The following GALNT17 variants were observed in gnomAD, a reference collection of about 807,000 sequenced individuals.
GALNT17 encodes the protein polypeptide N-acetylgalactosaminyltransferase 17.
In GALNT17, 29 loss-of-function variants were observed where a neutral mutation model predicts 63.7. The observed-to-expected ratio is 0.46, with a 90% CI of 0.34 to 0.62. The LOEUF (loss-of-function observed/expected upper bound fraction) is 0.62. GALNT17 is among the 20% of genes least tolerant of loss of function. GALNT17 has a pLI of 0.01. For synonymous variants in GALNT17, 305 were observed against 318.3 expected (o/e 0.96, Z 0.45); for missense variants, 603 against 799.6 (o/e 0.75, Z 2.97).
chr7:71,532,832 G>T (rs1316959890), intron 5 of GALNT17, among the ~76,000 whole-genome samples: 1 of 152,132 alleles, frequency 6.6e-6, no homozygotes, highest in Admixed American at 6.5e-5. Flanking sequence ...TGCTGCTCCT[G>T]TTTACAATTT....
At chr7:71,215,932 T>G (rs1023083885) in intron 1 of GALNT17, among the ~76,000 whole-genome samples, 1 of 152,128 alleles carries the variant, frequency 6.6e-6, no homozygotes, top group African/African-American at 2.4e-5. Context: ...TCAGGAGAGA[T>G]AAGCACTTCC....
chr7:71,684,838 GT>G (rs557013049), intron 9 of GALNT17, among the ~76,000 whole-genome samples: 160 of 152,030 alleles, frequency 1.1e-3, no homozygotes, highest in African/African-American at 3.7e-3. Context: ...TAATTTTTCA[GT>G]TTTTTTGTAA....
At chr7:71,471,774 T>A (rs1471057692) in intron 5 of GALNT17, among the ~76,000 whole-genome samples, 1 of 152,186 alleles carries the variant, frequency 6.6e-6, no homozygotes, top group East Asian at 1.9e-4. Context: ...TTTTTTCCCA[T>A]CAGAGATATT....
Position 71,305,766 on chromosome 7 carries a change from G to A in GALNT17, c.239-29784G>A, listed in dbSNP as rs77051369. 8.2e-3 allele frequency among the ~76,000 whole-genome samples: 1,255 copies of A among 152,232 alleles called. 15 individuals carry two copies. Among genetic ancestry groups the A allele is most frequent in the African/African-American group, 0.028 (1,169 of 41,530 alleles). ...ATATCTCAATGAACCTTTTGGATTC[G>A]AAGAGAGATAATTACTAACTCCACG... On this transcript the variant is annotated intron_variant, in intron 1 of 10. Transcript: ENST00000333538.
intron 2 of GALNT17, among the ~76,000 whole-genome samples, chr7:71,376,563 G>A (rs927417038): frequency 1.3e-5 from 2 of 150,156 alleles, no homozygotes; most frequent in Non-Finnish European, 2.9e-5. Context: ...GAGTGTGTGT[G>A]TATGTGTGTG....
At chr7:71,701,723 A>ATG (rs1159463384) in intron 9 of GALNT17, among the ~76,000 whole-genome samples, 3 of 136,542 alleles carry the variant, frequency 2.2e-5, no homozygotes, top group African/African-American at 8.5e-5. Context: ...AATGTGGTGT[A>ATG]TGTATATATA....
At chr7:71,187,721 C>A (rs905326300) in intron 1 of GALNT17, among the ~76,000 whole-genome samples, 2 of 152,060 alleles carry the variant, frequency 1.3e-5, no homozygotes, top group African/African-American at 4.8e-5. Flanking sequence ...TGTTGAAGAC[C>A]CAATTACTTT....
intron 3 of GALNT17, among the ~76,000 whole-genome samples, 175 bp downstream of exon 3, chr7:71,388,576 G>T (rs764707593): frequency 2.0e-5 from 3 of 151,970 alleles, no homozygotes; most frequent in Non-Finnish European, 4.4e-5. Context: ...GCCCAGGCTG[G>T]AGTGCAGTGG....
intron 6 of GALNT17, among the ~76,000 whole-genome samples, chr7:71,599,480 G>A (rs1789934000): frequency 6.6e-6 from 1 of 152,082 alleles, no homozygotes; most frequent in Admixed American, 6.5e-5. Flanking sequence ...TTTGAGTCTT[G>A]TTCCACCCCG....
chr7:71,607,495 T>C (rs562758418), intron 6 of GALNT17, among the ~76,000 whole-genome samples: 1 of 152,318 alleles, frequency 6.6e-6, no homozygotes, highest in East Asian at 1.9e-4. Flanking sequence ...AGAGGAGGGC[T>C]TTATACCTAT....
intron 5 of GALNT17, among the ~76,000 whole-genome samples, chr7:71,426,883 G>A (rs1429694585): frequency 6.6e-6 from 1 of 151,166 alleles, no homozygotes; most frequent in African/African-American, 2.4e-5. Context: ...CATACCACCT[G>A]CACTCCAGCC....
intron 5 of GALNT17, among the ~76,000 whole-genome samples, chr7:71,506,537 G>C (rs1788272128): frequency 6.6e-6 from 1 of 152,144 alleles, no homozygotes. Flanking sequence ...AAAGTGCTGG[G>C]ATTACAGGCG....
chr7:71,646,253 A>G (rs2117014860), intron 6 of GALNT17, among the ~76,000 whole-genome samples: 1 of 152,316 alleles, frequency 6.6e-6, no homozygotes. Context: ...TAAAAATTTA[A>G]TTGATTTTAT....
At chr7:71,162,404 TCATCCATC>T (rs547638443) in intron 1 of GALNT17, among the ~76,000 whole-genome samples, 1 of 149,348 alleles carries the variant, frequency 6.7e-6, no homozygotes, top group Non-Finnish European at 1.5e-5. Flanking sequence ...TGAATTGAGT[TCATCCATC>T]CATCCATCCA....
intron 5 of GALNT17, among the ~76,000 whole-genome samples, chr7:71,453,012 T>C (rs568753330): frequency 1.1e-4 from 17 of 152,308 alleles, no homozygotes; most frequent in Middle Eastern, 3.4e-3. Flanking sequence ...CATCATTTTC[T>C]CTGTTCTCTC....
At chr7:71,207,112 A>G (rs1355739814) in intron 1 of GALNT17, among the ~76,000 whole-genome samples, 1 of 151,992 alleles carries the variant, frequency 6.6e-6, no homozygotes, top group Non-Finnish European at 1.5e-5. Flanking sequence ...TCTCAAAGAA[A>G]AAAAAAAAAG....
chr7:71,638,217 T>C (rs1790555173), intron 6 of GALNT17, among the ~76,000 whole-genome samples: 2 of 152,230 alleles, frequency 1.3e-5, no homozygotes, highest in South Asian at 2.1e-4. Flanking sequence ...CAGAGGTCAC[T>C]CTCATCACCA....
At chr7:71,602,245 A>T (rs2116936394) in intron 6 of GALNT17, among the ~76,000 whole-genome samples, 1 of 152,358 alleles carries the variant, frequency 6.6e-6, no homozygotes, top group East Asian at 1.9e-4. Flanking sequence ...ATGCTATTTT[A>T]TGCCATCTTT....
intron 6 of GALNT17, among the ~76,000 whole-genome samples, chr7:71,589,697 A>G (rs1020917700): frequency 4.6e-5 from 7 of 152,322 alleles, no homozygotes; most frequent in Non-Finnish European, 7.3e-5. Context: ...TGCGTTTTTC[A>G]TTATTGAACC....
Sources: gnomAD v4.1 joint callset for allele counts (sites outside exome capture counted in the v4.1 genomes callset) on GRCh38, gnomAD v4.1.1 for gene constraint, MANE v1.5 for transcripts, NCBI Gene and HGNC (gene_info 2026-07-23, HGNC 2026-07-21) for gene names.